The following SYT2 variants were observed in gnomAD, a reference collection of about 807,000 sequenced individuals.
SYT2 encodes synaptotagmin 2.
SYT2 carries 15 observed loss-of-function variants against 39.9 expected under a neutral mutation model. The observed-to-expected ratio is 0.38, with a 90% CI of 0.25 to 0.58. The LOEUF is 0.58. SYT2 is among the 20% of genes least tolerant of loss of function. SYT2 has a pLI of 0.70. For missense variants in SYT2, 389 were observed against 530.3 expected (o/e 0.73, Z 2.62); for synonymous variants, 181 against 204.5 (o/e 0.89, Z 0.98).
At chr1:202,667,853 C>T (rs949440818) in intron 1 of SYT2, among the ~76,000 whole-genome samples, 40 of 152,200 alleles carry the variant, frequency 2.6e-4, no homozygotes, top group African/African-American at 9.6e-4. Flanking sequence ...GCTGGGATTA[C>T]AGGCACCTGC....
chr1:202,682,026 T>C (rs1336193319), intron 1 of SYT2, among the ~76,000 whole-genome samples: 1 of 152,182 alleles, frequency 6.6e-6, no homozygotes, highest in Non-Finnish European at 1.5e-5. Flanking sequence ...ACAGCCTTCC[T>C]ACTCCTCTGA....
At chr1:202,615,116 C>T (rs998614277) in intron 1 of SYT2, among the ~76,000 whole-genome samples, 2 of 152,160 alleles carry the variant, frequency 1.3e-5, no homozygotes, top group African/African-American at 4.8e-5. Flanking sequence ...AGACGGCATT[C>T]CCGGGGAATC....
intron 1 of SYT2, among the ~76,000 whole-genome samples, chr1:202,652,973 G>GTTTGGATTTCC (rs1312543726): frequency 7.4e-6 from 1 of 135,084 alleles, no homozygotes; most frequent in Non-Finnish European, 1.5e-5. Context: ...CCCCCTTAGA[G>GTTTGGATTTCC]TTTGGATTTC....
intron 1 of SYT2, among the ~76,000 whole-genome samples, chr1:202,610,943 T>C (rs1317977532): frequency 6.6e-6 from 1 of 152,076 alleles, no homozygotes. Context: ...AAGCTACCAA[T>C]GACTTTCTTC....
intron 1 of SYT2, among the ~76,000 whole-genome samples, chr1:202,662,028 C>T (rs1692391842): frequency 6.6e-6 from 1 of 152,200 alleles, no homozygotes; most frequent in African/African-American, 2.4e-5. Flanking sequence ...CACGTGTGAT[C>T]ACAATGCAAT....
At chr1:202,689,668 G>A (rs921957383) in intron 1 of SYT2, among the ~76,000 whole-genome samples, 1 of 152,014 alleles carries the variant, frequency 6.6e-6, no homozygotes, top group Non-Finnish European at 1.5e-5. Context: ...GGAACACTGT[G>A]GGGGAGCAGG....
At chr1:202,702,486 G>C (rs1474056122) in intron 1 of SYT2, among the ~76,000 whole-genome samples, 1 of 152,180 alleles carries the variant, frequency 6.6e-6, no homozygotes, top group Non-Finnish European at 1.5e-5. Context: ...CGCTAACACT[G>C]ATCCTAGCCA....
intron 1 of SYT2, among the ~76,000 whole-genome samples, chr1:202,686,025 C>A (rs952351275): frequency 6.6e-6 from 1 of 152,116 alleles, no homozygotes; most frequent in African/African-American, 2.4e-5. Context: ...AGGGTCCGCC[C>A]GGGAGGACAT....
intron 1 of SYT2, among the ~76,000 whole-genome samples, chr1:202,688,252 T>C (rs1474648269): frequency 6.6e-6 from 1 of 152,230 alleles, no homozygotes; most frequent in East Asian, 1.9e-4. Context: ...CCTCCCATAG[T>C]GGCTCCGTCT....
chr1:202,685,442 C>CTTTTAAATGAACCCA (rs1653637785), intron 1 of SYT2, among the ~76,000 whole-genome samples: 1 of 152,162 alleles, frequency 6.6e-6, no homozygotes. Context: ...TGAACCCATT[C>CTTTTAAATGAACCCA]TTTCTTCCAG....
intron 1 of SYT2, among the ~76,000 whole-genome samples, chr1:202,705,252 C>T (rs1178188134): frequency 1.3e-5 from 2 of 152,226 alleles, no homozygotes; most frequent in African/African-American, 4.8e-5. Flanking sequence ...GGCCTTTGCC[C>T]GTTCATTGTA....
chr1:202,704,490 ACT>A (rs1379972814), intron 1 of SYT2, among the ~76,000 whole-genome samples: 3 of 151,982 alleles, frequency 2.0e-5, no homozygotes, highest in Admixed American at 2.0e-4. Flanking sequence ...CTGAGTTTAG[ACT>A]CTGGCTACAC....
At chr1:202,664,221 G>T (rs1046183033) in intron 1 of SYT2, among the ~76,000 whole-genome samples, 1 of 152,078 alleles carries the variant, frequency 6.6e-6, no homozygotes, top group African/African-American at 2.4e-5. Flanking sequence ...AGTCCATGAG[G>T]CTCCTGTGAA....
intron 1 of SYT2, among the ~76,000 whole-genome samples, chr1:202,686,906 C>T (rs930093589): frequency 2.0e-5 from 3 of 152,076 alleles, no homozygotes; most frequent in African/African-American, 7.2e-5. Context: ...AAAATGCCTA[C>T]TCTTTCTTCA....
chr1:202,626,984 G>A (rs901600749), intron 1 of SYT2, among the ~76,000 whole-genome samples: 8 of 152,166 alleles, frequency 5.3e-5, no homozygotes, highest in African/African-American at 1.4e-4. Context: ...TCCTCTCAGC[G>A]GGGCTAGGCT....
intron 1 of SYT2, among the ~76,000 whole-genome samples, chr1:202,706,894 T>G (rs955459370): frequency 6.6e-6 from 1 of 152,244 alleles, no homozygotes; most frequent in African/African-American, 2.4e-5. Context: ...AATACTACCC[T>G]GAGAGTTAAG....
intron 1 of SYT2, among the ~76,000 whole-genome samples, chr1:202,686,678 C>T (rs774355578): frequency 6.6e-6 from 1 of 152,128 alleles, no homozygotes; most frequent in East Asian, 1.9e-4. Flanking sequence ...CCAGTTCCCA[C>T]CCTCTGTCAT....
chr1:202,603,116 A>T lies in SYT2; in HGVS notation c.348T>A (p.Asp116Glu). ...MNMKDMKGGQDDDDAETGLTE... is the reference protein window; with the variant it reads ...MNMKDMKGGQEDDDAETGLTE... The stretch of plus-strand genomic sequence containing the variant: ...TCAGGCCTGTCTCTGCGTCGTCGTC[A>T]TCCTGTGGGAGCTGGGGGAGAGAGG... The change falls in exon 4 of 9, where the codon GAT (aspartate) becomes GAA (glutamate). Residue 116 changes from aspartate (D) to glutamate (E), a missense_variant and splice_region_variant. This residue lies in a region of SYT2 where 280 missense variants were observed against 335.6 expected (regional missense o/e 0.83). Coordinates refer to ENST00000367268, the MANE Select transcript of SYT2 (RefSeq NM_177402.5). 6.2e-7 allele frequency: 1 copy of T among 1,613,634 alleles called. No individual in the cohort carries two copies.
At chr1:202,626,062 T>C (rs553943774) in intron 1 of SYT2, among the ~76,000 whole-genome samples, 1 of 152,238 alleles carries the variant, frequency 6.6e-6, no homozygotes, top group African/African-American at 2.4e-5. Flanking sequence ...TACACTGCCA[T>C]ATGTAGAAAT....
Sources: allele counts gnomAD v4.1 joint callset (sites outside exome capture counted in the v4.1 genomes callset), GRCh38; gene constraint gnomAD v4.1.1; regional missense constraint gnomAD v4.1.1; transcripts MANE v1.5; gene names NCBI Gene and HGNC (gene_info 2026-07-23, HGNC 2026-07-21).